ARHGEF18: variants seen among roughly 807,000 people sequenced by gnomAD.
The protein encoded by ARHGEF18 is rho guanine nucleotide exchange factor 18.
ARHGEF18 carries 93 observed loss-of-function variants against 155.7 expected under a neutral mutation model. That is an observed-to-expected ratio of 0.60 (90% CI 0.50 to 0.71). The LOEUF is 0.71. Ranked by LOEUF, ARHGEF18 falls within the 30% of genes least tolerant of loss-of-function variation. The probability of loss-of-function intolerance (pLI) is 0.00; values close to 1 mark genes in which losing one functional copy is unlikely to be tolerated. For synonymous variants in ARHGEF18, 742 were observed against 753.1 expected (o/e 0.99, Z 0.24); for missense variants, 1,593 against 1,816.1 (o/e 0.88, Z 2.23).
At chr19:7,467,804 C>T (rs774258041) in intron 26 of ARHGEF18, 120 bp downstream of exon 26, 13 of 1,011,766 alleles carry the variant, frequency 1.3e-5, no homozygotes, top group Non-Finnish European at 1.6e-5. Context: ...TAAGAGCAAA[C>T]GGCACAAGAT....
rs1411716063 is a variant in ARHGEF18 at position 7,468,804 on chromosome 19, T to C, written c.3481-21T>C. The C allele has an allele frequency of 9.2e-6, 14 of 1,520,036 alleles. 1 individual carries two copies. Among genetic ancestry groups the C allele is most frequent in the Non-Finnish European group, 1.2e-5 (14 of 1,127,774 alleles). The allele number at this position is 1,520,036 out of a possible 1,614,324, so 94.2% of individuals were successfully genotyped here. ...CACAGCAGGAACCTCACATTGGATG[T>C]ATCTGCTGTTGTCCCCTCAGGCCCA... is the stretch of plus-strand genomic sequence containing the variant. On this transcript the variant is annotated intron_variant, in intron 26 of 28. Transcript: ENST00000668164.
intron 7 of ARHGEF18, among the ~76,000 whole-genome samples, chr19:7,379,768 T>C (rs1242507129): frequency 6.6e-6 from 1 of 152,216 alleles, no homozygotes; most frequent in African/African-American, 2.4e-5. Flanking sequence ...CTCATACCAC[T>C]GTAATCCCAA....
chr19:7,381,985 A>T (rs1266740077), intron 8 of ARHGEF18, among the ~76,000 whole-genome samples: 2 of 152,236 alleles, frequency 1.3e-5, no homozygotes, highest in Non-Finnish European at 2.9e-5. Context: ...CCAGAGCAGG[A>T]ATCATGTCTG....
chr19:7,466,760 C>T (rs1600546032), intron 23 of ARHGEF18, among the ~76,000 whole-genome samples, 158 bp from the exon 24 acceptor site: 1 of 139,680 alleles, frequency 7.2e-6, no homozygotes, highest in Non-Finnish European at 1.5e-5. Context: ...GCCAAGATCG[C>T]GCCACTGCAC....
At position 7,467,419 on chromosome 19, in the gene ARHGEF18, G is replaced by A; in HGVS notation, c.3215G>A (p.Arg1072His). ...CGGCACGAGCAGCAGCGCTGGGAGCGCGAGCGCCAGTGGCAGCACCAGGAG... is the reference window on the plus strand; with the variant it reads ...CGGCACGAGCAGCAGCGCTGGGAGCACGAGCGCCAGTGGCAGCACCAGGAG... The part of the protein sequence containing the change: ...QLRHEQQRWE[R>H]ERQWQHQELE... Residue 1072 changes from arginine (R) to histidine (H), a missense_variant, in exon 26 of 29, where the codon CGC becomes CAC. Physicochemically the swap from Arg to His is conservative, Grantham distance 29. Transcript: ENST00000668164. 2 of 1,531,968 alleles carry A rather than the reference G, an allele frequency of 1.3e-6. No individual in the cohort carries two copies. Among genetic ancestry groups the A allele is most frequent in the Non-Finnish European group, 1.7e-6 (2 of 1,145,340 alleles). 94.9% of individuals were successfully genotyped at this position (1,531,968 alleles called of 1,614,324 possible). A position where few individuals can be genotyped will look rare whatever the true frequency, so the allele number is the denominator to read the frequency against.
intron 10 of ARHGEF18, among the ~76,000 whole-genome samples, chr19:7,415,478 G>T (rs12977471): frequency 0.7 from 106,189 of 151,758 alleles, 38,239 homozygotes; most frequent in African/African-American, 0.86. Context: ...CCATCGTTTC[G>T]AGAAGCAGAG....
At chr19:7,441,599 C>A in intron 11 of ARHGEF18, 54 bp from the exon 12 acceptor site, 1 of 1,391,514 alleles carries the variant, frequency 7.2e-7, no homozygotes, top group South Asian at 1.2e-5. Context: ...TGCATGAGGT[C>A]GTGTGTGTTT....
At chr19:7,361,991 G>GGAAGAAGAAGAAAAGAA (rs1162434534) in intron 1 of ARHGEF18, among the ~76,000 whole-genome samples, 1 of 79,116 alleles carries the variant, frequency 1.3e-5, no homozygotes, top group African/African-American at 5.5e-5. Context: ...AAGACTCTGT[G>GGAAGAAGAAGAAAAGAA]GAAGAAGAAG....
At chr19:7,437,688 G>A (rs897418673) in intron 10 of ARHGEF18, among the ~76,000 whole-genome samples, 2 of 148,536 alleles carry the variant, frequency 1.3e-5, no homozygotes, top group African/African-American at 5.0e-5. Flanking sequence ...TTGTTGTTCA[G>A]GCTGGAGTGC....
intron 1 of ARHGEF18, among the ~76,000 whole-genome samples, chr19:7,362,210 AAAGAAGAGG>A (rs750090067): frequency 2.3e-5 from 3 of 128,382 alleles, no homozygotes; most frequent in African/African-American, 4.2e-5. Context: ...AAGAAGGAGA[AAAGAAGAGG>A]AAGAAGAGGA....
intron 10 of ARHGEF18, among the ~76,000 whole-genome samples, chr19:7,426,926 C>T (rs1445650785): frequency 6.6e-6 from 1 of 152,112 alleles, no homozygotes; most frequent in African/African-American, 2.4e-5. Flanking sequence ...TAGGTCACCT[C>T]GCCGTGTTGA....
chr19:7,377,094 A>G (rs1350049836), intron 5 of ARHGEF18, among the ~76,000 whole-genome samples: 1 of 150,310 alleles, frequency 6.7e-6, no homozygotes, highest in Non-Finnish European at 1.5e-5. Flanking sequence ...TTTTTGAGAT[A>G]GAGTCTTGCT....
At chr19:7,458,483 G>GACCTCCCCA in intron 18 of ARHGEF18, 29 bp from the exon 19 acceptor site, 1 of 1,602,468 alleles carries the variant, frequency 6.2e-7, no homozygotes, top group Non-Finnish European at 8.5e-7. Flanking sequence ...GGTAAAGGGT[G>GACCTCCCCA]ACCTCCCCAA....
At chr19:7,479,042 A>G in the ARHGEF18 span, among the ~76,000 whole-genome samples, 3 of 152,184 alleles carry the variant, frequency 2.0e-5, no homozygotes, top group Non-Finnish European at 4.4e-5. Context: ...TGTGACTGTG[A>G]CAGAATGGGC....
chr19:7,358,204 A>G (rs1281005344), intron 1 of ARHGEF18, among the ~76,000 whole-genome samples: 1 of 41,998 alleles, frequency 2.4e-5, no homozygotes, highest in African/African-American at 5.1e-5. Context: ...CAACTCTTCA[A>G]CCATCCATCC....
At chr19:7,399,158 A>G (rs1253837496) in intron 10 of ARHGEF18, among the ~76,000 whole-genome samples, 1 of 152,194 alleles carries the variant, frequency 6.6e-6, no homozygotes, top group African/African-American at 2.4e-5. Context: ...ACGGTCAAGA[A>G]CTACTGTGTT....
chr19:7,451,719 GT>G (rs981112522), intron 16 of ARHGEF18, among the ~76,000 whole-genome samples: 41 of 150,456 alleles, frequency 2.7e-4, no homozygotes, highest in African/African-American at 9.8e-4. Context: ...TCTGGCCTGG[GT>G]TTTTTTGTTT....
At chr19:7,477,306 G>A (rs200290556), downstream of ARHGEF18, 346 of 1,566,126 alleles carry the variant, frequency 2.2e-4, no homozygotes, top group African/African-American at 3.7e-3. Flanking sequence ...GGCGGGAAGC[G>A]GCCGGCCCAC....
Position 7,380,822 on chromosome 19 carries a change from G to C in ARHGEF18, c.645-95G>C, listed in dbSNP as rs1030169760. On this transcript the variant is annotated intron_variant, in intron 7 of 28. Transcript: ENST00000668164. ...TCAAGGACAGGTGGGCTCTTAGACG[G>C]GGTACCTGGTGTATGCCTGTACTCG... 4.0e-6 allele frequency: 3 copies of C among 747,634 alleles called. No individual in the cohort carries two copies. The African/African-American group carries it at 5.4e-5, about 14-fold the overall frequency. 46.3% of individuals were successfully genotyped at this position (747,634 alleles called of 1,614,324 possible). A position where few individuals can be genotyped will look rare whatever the true frequency, so the allele number is the denominator to read the frequency against.
Sources: allele counts gnomAD v4.1 joint callset (sites outside exome capture counted in the v4.1 genomes callset), GRCh38; gene constraint gnomAD v4.1.1; transcripts MANE v1.5; gene names NCBI Gene and HGNC (gene_info 2026-07-23, HGNC 2026-07-21).